The following TMEM266 variants were observed in gnomAD, a reference collection of about 807,000 sequenced individuals.
TMEM266 encodes the protein Hv1 related protein 1.
TMEM266 carries 33 observed loss-of-function variants against 50.5 expected under a neutral mutation model. The observed-to-expected ratio is 0.65, with a 90% CI of 0.50 to 0.87. The LOEUF (loss-of-function observed/expected upper bound fraction) is 0.87. TMEM266 is among the 40% of genes least tolerant of loss of function. The probability of loss-of-function intolerance (pLI) is 0.00; values close to 1 mark genes in which losing one functional copy is unlikely to be tolerated. For synonymous variants in TMEM266, 310 were observed against 292.3 expected (o/e 1.06, Z -0.62); for missense variants, 655 against 695.1 (o/e 0.94, Z 0.65).
chr15:76,198,363 T>C (rs1417348418), intron 9 of TMEM266, among the ~76,000 whole-genome samples: 1 of 149,990 alleles, frequency 6.7e-6, no homozygotes, highest in Non-Finnish European at 1.5e-5. Flanking sequence ...TCCTCAGGGC[T>C]GAATCAAAGC....
intron 1 of TMEM266, among the ~76,000 whole-genome samples, chr15:76,077,005 C>A (rs1381677932): frequency 6.6e-6 from 1 of 151,942 alleles, no homozygotes; most frequent in Non-Finnish European, 1.5e-5. Flanking sequence ...CACTCTGTCA[C>A]CCAGGCTGGA....
chr15:76,064,588 G>A (rs2036376614), intron 1 of TMEM266, among the ~76,000 whole-genome samples: 1 of 152,168 alleles, frequency 6.6e-6, no homozygotes, highest in Non-Finnish European at 1.5e-5. Context: ...CTCCCGGATG[G>A]CTTTAATTGC....
chr15:76,113,648 G>C (rs1437221429), intron 1 of TMEM266: 1 of 152,446 alleles, frequency 6.6e-6, no homozygotes, highest in Non-Finnish European at 1.5e-5. Flanking sequence ...GGTGGCTCAC[G>C]CCTGTAATCC....
At chr15:76,180,931 A>T (rs1331626602) in intron 8 of TMEM266, 1 of 152,172 alleles carries the variant, frequency 6.6e-6, no homozygotes, top group South Asian at 2.1e-4. Flanking sequence ...ACTTTTTAAG[A>T]AAGATTACAT....
chr15:76,166,608 C>T (rs4296218), intron 5 of TMEM266, among the ~76,000 whole-genome samples: 16,996 of 152,260 alleles, frequency 0.11, 1,054 homozygotes, highest in Middle Eastern at 0.16. Context: ...GCTGCCTCCT[C>T]TTCCTGCTCA....
chr15:76,196,266 T>C (rs985630432), intron 9 of TMEM266, among the ~76,000 whole-genome samples: 4 of 152,170 alleles, frequency 2.6e-5, no homozygotes, highest in African/African-American at 9.7e-5. Context: ...CTGGGGTGTC[T>C]CCTGGGTACC....
At chr15:76,171,972 T>C (rs989049728) in intron 7 of TMEM266, among the ~76,000 whole-genome samples, 2 of 152,072 alleles carry the variant, frequency 1.3e-5, no homozygotes, top group Admixed American at 1.3e-4. Flanking sequence ...ACTGAAGTCA[T>C]CTTATGGAAG....
At chr15:76,103,768 T>C (rs113502377) in intron 1 of TMEM266, among the ~76,000 whole-genome samples, 7 of 146,834 alleles carry the variant, frequency 4.8e-5, no homozygotes, top group African/African-American at 1.7e-4. Context: ...AAAAATTAGC[T>C]GGGCATGATG....
At chr15:76,134,387 C>T in intron 2 of TMEM266, 86 bp downstream of exon 2, 1 of 1,419,290 alleles carries the variant, frequency 7.0e-7, no homozygotes, top group South Asian at 1.2e-5. Context: ...TTTAGGCAGC[C>T]ACTATGTACA....
chr15:76,120,693 G>A (rs1351744124), intron 1 of TMEM266, among the ~76,000 whole-genome samples: 4 of 144,856 alleles, frequency 2.8e-5, no homozygotes, highest in African/African-American at 1.0e-4. Context: ...CCTGAGAGGC[G>A]AAGGCTGCAG....
At chr15:76,183,695 G>T (rs983645852) in intron 8 of TMEM266, among the ~76,000 whole-genome samples, 1 of 152,248 alleles carries the variant, frequency 6.6e-6, no homozygotes, top group African/African-American at 2.4e-5. Context: ...CCCTTTCCCC[G>T]GTTCCACCAC....
chr15:76,152,195 C>T (rs1425432490), intron 3 of TMEM266, among the ~76,000 whole-genome samples: 1 of 152,198 alleles, frequency 6.6e-6, no homozygotes, highest in Non-Finnish European at 1.5e-5. Context: ...GAGTCACCCC[C>T]ATGTGCCTTG....
At chr15:76,169,620 G>A (rs1462604660) in intron 5 of TMEM266, among the ~76,000 whole-genome samples, 196 bp from the exon 6 acceptor site, 2 of 152,182 alleles carry the variant, frequency 1.3e-5, no homozygotes, top group Non-Finnish European at 2.9e-5. Flanking sequence ...CAGGAGGCAC[G>A]GCCACCACGA....
intron 5 of TMEM266, among the ~76,000 whole-genome samples, chr15:76,164,777 C>T (rs566901360): frequency 5.8e-4 from 88 of 152,352 alleles, no homozygotes; most frequent in African/African-American, 2.1e-3. Context: ...ACGCCCCCAA[C>T]CCACTGCCGA....
Position 76,127,990 on chromosome 15 carries a change from A to G in TMEM266, c.-96-6178A>G, listed in dbSNP as rs190778572. 5.9e-5 allele frequency among the ~76,000 whole-genome samples: 9 copies of G among 152,322 alleles called. No homozygotes were observed. In the East Asian group the frequency reaches 1.7e-3, roughly 29 times the overall value. ...AAGCCCTTTAGGTGATTATTCTGGTACATGAGAACGTTTGAGAACCACTGA... is the reference window on the plus strand; with the variant it reads ...AAGCCCTTTAGGTGATTATTCTGGTGCATGAGAACGTTTGAGAACCACTGA... On this transcript the variant is annotated intron_variant, in intron 1 of 10. Transcript: ENST00000388942.
At chr15:76,195,551 G>A (rs772223222) in intron 9 of TMEM266, among the ~76,000 whole-genome samples, 5 of 152,206 alleles carry the variant, frequency 3.3e-5, no homozygotes. Flanking sequence ...AGGATGAAAG[G>A]AGCAGATTTA....
At chr15:76,067,512 A>G (rs1249933640) in intron 1 of TMEM266, among the ~76,000 whole-genome samples, 1 of 151,876 alleles carries the variant, frequency 6.6e-6, no homozygotes, top group African/African-American at 2.4e-5. Context: ...GTGTGGTGGC[A>G]CATGCCTGTA....
At chr15:76,124,073 T>G (rs1399167819) in intron 1 of TMEM266, among the ~76,000 whole-genome samples, 1 of 152,230 alleles carries the variant, frequency 6.6e-6, no homozygotes, top group Non-Finnish European at 1.5e-5. Flanking sequence ...CTTGGCCAGC[T>G]GCCTATTGGC....
chr15:76,089,225 C>T (rs1008720601), intron 1 of TMEM266, among the ~76,000 whole-genome samples: 4 of 151,384 alleles, frequency 2.6e-5, no homozygotes, highest in African/African-American at 7.3e-5. Context: ...GATGGAGTCT[C>T]GCTCTGTTGC....
Sources: gnomAD v4.1 joint callset for allele counts (sites outside exome capture counted in the v4.1 genomes callset) on GRCh38, gnomAD v4.1.1 for gene constraint, MANE v1.5 for transcripts, NCBI Gene and HGNC (gene_info 2026-07-23, HGNC 2026-07-21) for gene names.